Variants in RPS6KA2 observed in about 807,000 individuals in gnomAD.
The protein encoded by RPS6KA2 is ribosomal protein S6 kinase alpha-2.
RPS6KA2 carries 42 observed loss-of-function variants against 91.8 expected under a neutral mutation model. That is an observed-to-expected ratio of 0.46 (90% CI 0.36 to 0.59). RPS6KA2 has a LOEUF of 0.59. Among genes scored for constraint, RPS6KA2 ranks in the 20% least tolerant of loss-of-function variants. RPS6KA2 has a pLI of 0.00. For missense variants in RPS6KA2, 798 were observed against 978.5 expected, an observed-to-expected ratio of 0.82 and a Z score of 2.46; for synonymous variants, 414 against 393.6, an observed-to-expected ratio of 1.05 and a Z score of -0.61.
chr6:166,725,740 T>C (rs1790317637), intron 2 of RPS6KA2, among the ~76,000 whole-genome samples: 2 of 152,238 alleles, frequency 1.3e-5, no homozygotes, highest in South Asian at 4.1e-4. Flanking sequence ...GAGTTTCTGC[T>C]TGCACAGCTT....
At chr6:166,800,263 G>A (rs936675065) in intron 2 of RPS6KA2, among the ~76,000 whole-genome samples, 2 of 152,198 alleles carry the variant, frequency 1.3e-5, no homozygotes, top group Non-Finnish European at 2.9e-5. Context: ...GCTCTGACAC[G>A]TTGCCACTGT....
At chr6:166,483,226 C>T (rs1249189470) in intron 10 of RPS6KA2, among the ~76,000 whole-genome samples, 2 of 152,194 alleles carry the variant, frequency 1.3e-5, no homozygotes, top group African/African-American at 4.8e-5. Context: ...ACTGCAGGGA[C>T]CATCAACCCC....
At position 166,648,648 on chromosome 6, in the gene RPS6KA2, G is replaced by T. The variant is rs1787749399; in HGVS notation, c.124-109864C>A. On this transcript the variant is annotated intron_variant, in intron 2 of 21. Transcript: ENST00000503859. The surrounding 1 kb of genome is among the most constrained non-coding windows in gnomAD (Gnocchi z 4.8). ...GACTTCTTAATCTGTTTCCAGCTCT[G>T]CCCTCTCTCACTAGCTGGAATCCCG... Among the ~76,000 whole-genome samples the T allele has an allele frequency of 6.6e-6, 1 of 152,046 alleles. No individual in the cohort carries two copies. The highest frequency in any genetic ancestry group is 2.1e-4 in the South Asian group (1 of 4,818).
At chr6:166,800,051 T>C (rs1279840196) in intron 2 of RPS6KA2, among the ~76,000 whole-genome samples, 1 of 97,764 alleles carries the variant, frequency 1.0e-5, no homozygotes, top group African/African-American at 3.2e-5. Context: ...AAACACCAGG[T>C]ATTTTTTTTG....
intron 2 of RPS6KA2, among the ~76,000 whole-genome samples, chr6:166,644,001 G>A (rs560111251): frequency 2.0e-5 from 3 of 152,216 alleles, no homozygotes; most frequent in Non-Finnish European, 4.4e-5. Context: ...ATGGATAGAC[G>A]AGTGAAAGCA....
intron 1 of RPS6KA2, among the ~76,000 whole-genome samples, chr6:166,601,405 G>A (rs1455428442): frequency 6.6e-6 from 1 of 152,216 alleles, no homozygotes; most frequent in Non-Finnish European, 1.5e-5. Context: ...TCAATCGCAA[G>A]TTGTCTCCAA....
intron 10 of RPS6KA2, among the ~76,000 whole-genome samples, chr6:166,477,302 G>A (rs1781014446): frequency 6.6e-6 from 1 of 152,128 alleles, no homozygotes; most frequent in Non-Finnish European, 1.5e-5. Context: ...CCCGAGGTGA[G>A]CCATTCTCCA....
At chr6:166,814,356 T>C (rs781156084) in intron 2 of RPS6KA2, among the ~76,000 whole-genome samples, 6 of 152,244 alleles carry the variant, frequency 3.9e-5, no homozygotes, top group Non-Finnish European at 5.9e-5. Flanking sequence ...AAATTGGTCA[T>C]TCTTATTCAC....
intron 2 of RPS6KA2, among the ~76,000 whole-genome samples, chr6:166,643,358 T>TA (rs1186368107): frequency 6.6e-6 from 1 of 152,086 alleles, no homozygotes; most frequent in African/African-American, 2.4e-5. Context: ...ACAAGATACA[T>TA]AAAAAGTTTC....
At chr6:166,611,945 G>C (rs920116752) in intron 1 of RPS6KA2, among the ~76,000 whole-genome samples, 23 of 152,290 alleles carry the variant, frequency 1.5e-4, no homozygotes, top group Middle Eastern at 3.4e-3. Flanking sequence ...AGATCTCCCT[G>C]GGGCCAAACA....
rs547352094 is a variant in RPS6KA2, at chr6:166,490,618, C to G, written c.818+53G>C. The G allele has an allele frequency of 8.1e-7, 1 of 1,232,196 alleles. No homozygotes were observed. Among genetic ancestry groups the G allele is most frequent in the East Asian group, 2.4e-5 (1 of 40,924 alleles). 76.3% of individuals were successfully genotyped at this position (1,232,196 alleles called of 1,614,324 possible). On this transcript the variant is annotated intron_variant, in intron 9 of 20. Coordinates refer to ENST00000265678, the MANE Select transcript of RPS6KA2 (RefSeq NM_021135.6). The surrounding 1 kb of genome is among the most constrained non-coding windows in gnomAD (Gnocchi z 4.2). ...AGTTCCAGGTTCAGAGGCAGCAGCT[C>G]TTGATATCAGAAGGTGCTCGCAGGT... is the stretch of plus-strand genomic sequence containing the variant.
At chr6:166,436,541 A>G (rs1429641905) in intron 14 of RPS6KA2, among the ~76,000 whole-genome samples, 1 of 152,198 alleles carries the variant, frequency 6.6e-6, no homozygotes, top group Admixed American at 6.5e-5. Flanking sequence ...GTGCGCCCTG[A>G]CAGGGGCTGT....
chr6:166,702,866 T>A (rs1789566698), intron 2 of RPS6KA2: 5 of 936,270 alleles, frequency 5.3e-6, no homozygotes, highest in South Asian at 1.5e-5. Context: ...TTAAAAAAAA[T>A]TAATGAGAAA....
chr6:166,598,483 C>T (rs1014298083), intron 1 of RPS6KA2, among the ~76,000 whole-genome samples: 2 of 152,208 alleles, frequency 1.3e-5, no homozygotes, highest in African/African-American at 4.8e-5. Flanking sequence ...TAAAAAGCCA[C>T]ATTTGGAGCT....
At chr6:166,636,923 AGAGGCTGTTCCAAAAC>A (rs1224380504) in intron 2 of RPS6KA2, among the ~76,000 whole-genome samples, 1 of 152,254 alleles carries the variant, frequency 6.6e-6, no homozygotes, top group Non-Finnish European at 1.5e-5. Flanking sequence ...AAAAGTGCTG[AGAGGCTGTTCCAAAAC>A]CCTGACACTG....
chr6:166,822,063 A>G (rs560124539), intron 2 of RPS6KA2, among the ~76,000 whole-genome samples: 90 of 151,916 alleles, frequency 5.9e-4, no homozygotes, highest in African/African-American at 2.2e-3. Flanking sequence ...CGCCACCACC[A>G]TCCCTCCTGG....
intron 2 of RPS6KA2, among the ~76,000 whole-genome samples, chr6:166,659,388 G>A (rs185488201): frequency 6.6e-6 from 1 of 152,300 alleles, no homozygotes; most frequent in East Asian, 1.9e-4. Context: ...GGGGTGGCCG[G>A]GGAGGGGAGA....
intron 14 of RPS6KA2, among the ~76,000 whole-genome samples, chr6:166,441,188 A>G (rs765332784): frequency 4.6e-5 from 7 of 151,868 alleles, no homozygotes; most frequent in Admixed American, 1.3e-4. Flanking sequence ...TCTATTTTCT[A>G]TTTTATTTAA....
chr6:166,701,655 G>A (rs1312872817), intron 2 of RPS6KA2: 23 of 1,268,492 alleles, frequency 1.8e-5, no homozygotes, highest in Admixed American at 5.1e-5. Flanking sequence ...GAGGAGTCAT[G>A]GCTGAAGGGG....
Sources: allele counts gnomAD v4.1 joint callset (sites outside exome capture counted in the v4.1 genomes callset), GRCh38; gene constraint gnomAD v4.1.1; non-coding constraint Gnocchi (gnomAD v3.1); transcripts MANE v1.5; gene names NCBI Gene and HGNC (gene_info 2026-07-23, HGNC 2026-07-21).